The following SYN3 variants were observed in gnomAD, a reference collection of about 807,000 sequenced individuals.
The protein encoded by SYN3 is synapsin III.
Under a neutral mutation model 65.8 loss-of-function variants are expected in SYN3, and 35 were observed. The ratio of observed to expected loss-of-function variants is 0.53; its 90% CI spans 0.41 to 0.70. SYN3 has a LOEUF of 0.70. SYN3 is among the 30% of genes least tolerant of loss of function. The pLI is 0.00. For synonymous variants in SYN3, 270 were observed against 292.9 expected (o/e 0.92, Z 0.80); for missense variants, 680 against 749.0 (o/e 0.91, Z 1.08).
chr22:32,647,978 A>G (rs1428424410), intron 6 of SYN3, among the ~76,000 whole-genome samples: 2 of 151,978 alleles, frequency 1.3e-5, no homozygotes, highest in Non-Finnish European at 2.9e-5. Flanking sequence ...GGCACAAGTG[A>G]TCCTCTCACT....
At chr22:32,640,595 G>A (rs1304927344) in intron 6 of SYN3, among the ~76,000 whole-genome samples, 3 of 152,126 alleles carry the variant, frequency 2.0e-5, no homozygotes, top group East Asian at 1.9e-4. Context: ...GGCCGGGTGC[G>A]GTGGCTCACG....
At chr22:32,522,985 T>C (rs905748866) in intron 12 of SYN3, among the ~76,000 whole-genome samples, 7 of 152,242 alleles carry the variant, frequency 4.6e-5, no homozygotes, top group African/African-American at 1.7e-4. Flanking sequence ...TTGCAGATAC[T>C]GTGTTTTTTC....
chr22:32,534,319 C>T (rs1217679203), intron 9 of SYN3, among the ~76,000 whole-genome samples: 2 of 152,162 alleles, frequency 1.3e-5, no homozygotes, highest in African/African-American at 2.4e-5. Context: ...GTCCCTTTTC[C>T]CTTGGGAAAG....
At chr22:32,543,695 C>T (rs1183669378) in intron 7 of SYN3, among the ~76,000 whole-genome samples, 28 of 152,120 alleles carry the variant, frequency 1.8e-4, no homozygotes, top group Admixed American at 6.5e-5. Flanking sequence ...TCCAGTCTGT[C>T]GTGCGGGTAG....
chr22:32,679,280 T>G (rs1456967531), intron 6 of SYN3, among the ~76,000 whole-genome samples: 1 of 152,080 alleles, frequency 6.6e-6, no homozygotes, highest in Non-Finnish European at 1.5e-5. Flanking sequence ...CTCGATCTCT[T>G]GACCTCATGA....
At chr22:32,525,398 T>A (rs2057958475) in intron 12 of SYN3, among the ~76,000 whole-genome samples, 1 of 152,084 alleles carries the variant, frequency 6.6e-6, no homozygotes, top group African/African-American at 2.4e-5. Context: ...TGAGATGTAA[T>A]CTACTCCTGA....
At position 32,776,590 on chromosome 22, in the gene SYN3, CT is replaced by C. The variant is rs1415373823; in HGVS notation, c.711+88324del. ...GAAGGGTCTGGCTCCAAGTTGCTGC[CT>C]TAGGCCACCTTGAGGCGAGCTCTTT... On this transcript the variant is annotated intron_variant, in intron 6 of 13. Transcript: ENST00000358763. Among the ~76,000 whole-genome samples, 3 of 152,198 alleles carry C rather than the reference CT, an allele frequency of 2.0e-5. No individual in the cohort carries two copies. The East Asian group carries it at 5.8e-4, about 29-fold the overall frequency.
At chr22:32,972,677 G>A (rs919780622) in intron 3 of SYN3, among the ~76,000 whole-genome samples, 3 of 152,178 alleles carry the variant, frequency 2.0e-5, no homozygotes. Context: ...ACAAGTGGTG[G>A]CAATTCCTGT....
At chr22:32,898,903 C>G (rs893079556) in intron 4 of SYN3, among the ~76,000 whole-genome samples, 2 of 152,156 alleles carry the variant, frequency 1.3e-5, no homozygotes, top group Admixed American at 1.3e-4. Flanking sequence ...GAGACCGAGA[C>G]CATCCTAGCC....
chr22:32,970,708 G>T (rs2051994613), intron 3 of SYN3, among the ~76,000 whole-genome samples: 1 of 152,114 alleles, frequency 6.6e-6, no homozygotes, highest in African/African-American at 2.4e-5. Flanking sequence ...AATAACCATT[G>T]GGGTTAGTCA....
intron 6 of SYN3, among the ~76,000 whole-genome samples, chr22:32,776,864 T>C (rs1760168122): frequency 6.6e-6 from 1 of 152,156 alleles, no homozygotes; most frequent in South Asian, 2.1e-4. Flanking sequence ...ATCACTGAGA[T>C]AGGTGGGGAC....
At chr22:32,640,201 C>T (rs1239909182) in intron 6 of SYN3, among the ~76,000 whole-genome samples, 4 of 152,134 alleles carry the variant, frequency 2.6e-5, no homozygotes, top group South Asian at 2.1e-4. Flanking sequence ...CCACAAATCA[C>T]GCTGGCTGCC....
intron 6 of SYN3, among the ~76,000 whole-genome samples, chr22:32,779,276 A>G (rs1329920595): frequency 6.6e-6 from 1 of 152,056 alleles, no homozygotes; most frequent in Admixed American, 6.5e-5. Context: ...CCTGGACAAC[A>G]TGGCAAAAAC....
chr22:32,636,978 C>A (rs147597387), intron 6 of SYN3, among the ~76,000 whole-genome samples: 1 of 152,312 alleles, frequency 6.6e-6, no homozygotes, highest in East Asian at 1.9e-4. Context: ...GGCCACTCCA[C>A]CCTGTCCCGC....
At chr22:32,804,341 A>G (rs1311122094) in intron 6 of SYN3, among the ~76,000 whole-genome samples, 1 of 152,148 alleles carries the variant, frequency 6.6e-6, no homozygotes, top group East Asian at 1.9e-4. Flanking sequence ...TTGGCTCCCA[A>G]GTTTCATTGC....
At chr22:32,673,433 A>G (rs1262725015) in intron 6 of SYN3, among the ~76,000 whole-genome samples, 2 of 152,230 alleles carry the variant, frequency 1.3e-5, no homozygotes, top group African/African-American at 4.8e-5. Context: ...GTCATTGCTC[A>G]TGGATGAAAC....
chr22:32,730,040 C>T (rs1199841853), intron 6 of SYN3, among the ~76,000 whole-genome samples: 1 of 152,186 alleles, frequency 6.6e-6, no homozygotes, highest in Non-Finnish European at 1.5e-5. Flanking sequence ...CTTAGATTTT[C>T]ATGAGGGCAA....
intron 6 of SYN3, among the ~76,000 whole-genome samples, chr22:32,841,242 C>T (rs1164406747): frequency 6.6e-6 from 1 of 152,174 alleles, no homozygotes; most frequent in Non-Finnish European, 1.5e-5. Flanking sequence ...GGGAGGCTTA[C>T]ATTTTAATGG....
intron 4 of SYN3, among the ~76,000 whole-genome samples, chr22:32,895,014 G>A (rs5998650): frequency 0.056 from 8,597 of 152,190 alleles, 793 homozygotes; most frequent in African/African-American, 0.19. Context: ...TGAAAATAGC[G>A]GACCATTCAG....
Sources: allele counts gnomAD v4.1 joint callset (sites outside exome capture counted in the v4.1 genomes callset), GRCh38; gene constraint gnomAD v4.1.1; transcripts MANE v1.5; gene names NCBI Gene and HGNC (gene_info 2026-07-23, HGNC 2026-07-21).